Variants in TRAF2 observed in about 807,000 individuals in gnomAD.
The protein encoded by TRAF2 is TNF receptor associated factor 2.
A neutral mutation model predicts 55.6 loss-of-function variants in TRAF2; 6 were observed. The observed-to-expected ratio is 0.11, with a 90% confidence interval of 0.06 to 0.21. The LOEUF (loss-of-function observed/expected upper bound fraction) is 0.21, where lower values mean the gene tolerates loss of function less well. Ranked by LOEUF, TRAF2 falls within the 10% of genes least tolerant of loss-of-function variation. TRAF2 has a pLI of 1.00. For missense variants in TRAF2, 561 were observed against 684.5 expected (o/e 0.82, Z 2.01); for synonymous variants, 329 against 276.3 (o/e 1.19, Z -1.89).
intron 6 of TRAF2, among the ~76,000 whole-genome samples, chr9:136,910,683 G>C (rs941246677): frequency 6.6e-6 from 1 of 152,198 alleles, no homozygotes; most frequent in Non-Finnish European, 1.5e-5. Flanking sequence ...CCCCCATCTG[G>C]GCAGCTACAG....
intron 6 of TRAF2, among the ~76,000 whole-genome samples, chr9:136,910,984 C>T (rs1003933248): frequency 6.6e-5 from 10 of 152,248 alleles, no homozygotes; most frequent in Non-Finnish European, 1.5e-4. Flanking sequence ...GGACGCCTGC[C>T]TGGGGCCCGT....
intron 5 of TRAF2, 55 bp from the exon 6 acceptor site, chr9:136,909,865 C>A: frequency 1.3e-6 from 2 of 1,587,664 alleles, no homozygotes. Context: ...TGCCGCCCTC[C>A]ACCCGCGCCT....
upstream of TRAF2, chr9:136,886,364 A>T: frequency 1.0e-6 from 1 of 981,236 alleles, no homozygotes; most frequent in African/African-American, 1.7e-5. Flanking sequence ...TCAGTCCGTC[A>T]GGCGCGCTCG....
intron 4 of TRAF2, among the ~76,000 whole-genome samples, chr9:136,903,864 A>G (rs1051457454): frequency 2.0e-5 from 3 of 152,024 alleles, no homozygotes; most frequent in Admixed American, 6.6e-5. Context: ...TTGTATTTTT[A>G]GTAGAGATGG....
chr9:136,897,477 T>C (rs562499191), intron 1 of TRAF2, among the ~76,000 whole-genome samples: 18 of 151,800 alleles, frequency 1.2e-4, no homozygotes, highest in African/African-American at 3.9e-4. Context: ...CTAAAGGGAA[T>C]GCACTAGCCA....
Position 136,909,835 on chromosome 9 carries a change from T to C in TRAF2, c.529-85T>C, listed in dbSNP as rs17250414. 2.1e-3 allele frequency: 2,957 copies of C among 1,423,210 alleles called. 53 individuals carry two copies. The African/African-American group carries it at 0.037, about 18-fold the overall frequency. The allele number at this position is 1,423,210 out of a possible 1,614,324, so 88.2% of individuals were successfully genotyped here. On this transcript the variant is annotated intron_variant, in intron 5 of 10. Transcript: ENST00000247668. ...ACGTGCTCCTGCGGCCCCTCGGCGC[T>C]GCCCAGCCTGAGCACTGTGTGCCGC...
intron 10 of TRAF2, among the ~76,000 whole-genome samples, chr9:136,924,853 C>T (rs969001906): frequency 5.3e-5 from 8 of 152,082 alleles, no homozygotes; most frequent in South Asian, 2.1e-4. Context: ...ATTCTCCTGC[C>T]TCAGCCTCCT....
intron 1 of TRAF2, among the ~76,000 whole-genome samples, chr9:136,892,136 TATA>T (rs1360001126): frequency 1.3e-5 from 2 of 152,128 alleles, no homozygotes; most frequent in African/African-American, 4.8e-5. Context: ...TTTAACATCT[TATA>T]ATAAGTATAA....
chr9:136,883,479 G>A (rs144541815), upstream of TRAF2, among the ~76,000 whole-genome samples: 18 of 152,228 alleles, frequency 1.2e-4, no homozygotes, highest in African/African-American at 3.9e-4. Context: ...TGACTTTCCC[G>A]TTACCCTGAA....
At chr9:136,913,294 A>AATT (rs1850164585) in intron 6 of TRAF2, among the ~76,000 whole-genome samples, 1 of 65,034 alleles carries the variant, frequency 1.5e-5, no homozygotes, top group Non-Finnish European at 2.8e-5. Flanking sequence ...ATTATAAAGG[A>AATT]ATTTTTTTTT....
At chr9:136,890,716 C>T (rs1849564411) in intron 1 of TRAF2, among the ~76,000 whole-genome samples, 1 of 152,218 alleles carries the variant, frequency 6.6e-6, no homozygotes, top group Admixed American at 6.5e-5. Flanking sequence ...AATCTCTAAG[C>T]ACAAAGAACC....
intron 1 of TRAF2, among the ~76,000 whole-genome samples, chr9:136,896,485 A>C (rs1220891464): frequency 6.6e-6 from 1 of 151,930 alleles, no homozygotes; most frequent in Non-Finnish European, 1.5e-5. Flanking sequence ...TTGTGTTTCG[A>C]GTCTGTTCTC....
At chr9:136,913,119 G>A (rs930693226) in intron 6 of TRAF2, among the ~76,000 whole-genome samples, 1 of 151,926 alleles carries the variant, frequency 6.6e-6, no homozygotes, top group African/African-American at 2.4e-5. Context: ...CTCCAGCCTG[G>A]GCCACAGAGT....
chr9:136,884,782 G>A (rs1481399609), upstream of TRAF2, among the ~76,000 whole-genome samples: 2 of 152,074 alleles, frequency 1.3e-5, no homozygotes, highest in Non-Finnish European at 2.9e-5. Flanking sequence ...TGCTGGTTTC[G>A]AACTCATGGG....
At chr9:136,904,130 C>A (rs1849890490) in intron 4 of TRAF2, among the ~76,000 whole-genome samples, 1 of 152,246 alleles carries the variant, frequency 6.6e-6, no homozygotes. Context: ...CTTCAACCCC[C>A]CACACACATT....
intron 7 of TRAF2, among the ~76,000 whole-genome samples, chr9:136,918,255 A>ATTTATTTATTTATT (rs1554781766): frequency 4.3e-5 from 1 of 23,346 alleles, no homozygotes; most frequent in African/African-American, 2.1e-4. Flanking sequence ...ATATATATAT[A>ATTTATTTATTTATT]TATTTATTTA....
intron 6 of TRAF2, among the ~76,000 whole-genome samples, chr9:136,911,525 A>G (rs1410343373): frequency 6.6e-6 from 1 of 151,990 alleles, no homozygotes; most frequent in Admixed American, 6.6e-5. Flanking sequence ...TCAGCCTCCC[A>G]AAGTGCTGGG....
intron 9 of TRAF2, chr9:136,922,529 A>G (rs916902668): frequency 1.9e-5 from 3 of 154,186 alleles, no homozygotes; most frequent in Non-Finnish European, 2.9e-5. Context: ...ATCTGCTTTA[A>G]GCAATGCTGG....
chr9:136,883,463 T>C (rs1849397074), upstream of TRAF2, among the ~76,000 whole-genome samples: 1 of 152,166 alleles, frequency 6.6e-6, no homozygotes. Flanking sequence ...CTGAAAGCTG[T>C]TAGAATGACT....
Sources: gnomAD v4.1 joint callset for allele counts (sites outside exome capture counted in the v4.1 genomes callset) on GRCh38, gnomAD v4.1.1 for gene constraint, MANE v1.5 for transcripts, NCBI Gene and HGNC (gene_info 2026-07-23, HGNC 2026-07-21) for gene names.